The following FAM177B variants were observed in gnomAD, a reference collection of about 807,000 sequenced individuals.
FAM177B encodes protein FAM177B.
Under a neutral mutation model 16.1 loss-of-function variants are expected in FAM177B, and 16 were observed. That is an observed-to-expected ratio of 0.99 (90% CI 0.67 to 1.51). FAM177B has a LOEUF of 1.51. FAM177B is among the 40% of genes most tolerant of loss of function. The pLI, the probability that FAM177B is intolerant of heterozygous loss-of-function variation, is 0.00. For missense variants in FAM177B, 178 were observed against 183.7 expected (o/e 0.97, Z 0.18); for synonymous variants, 56 against 59.9 (o/e 0.93, Z 0.30).
Position 222,741,926 on chromosome 1 carries a change from C to CTT in FAM177B, c.-16+3906_-16+3907insTT, listed in dbSNP as rs1658567381. On this transcript the variant is annotated intron_variant, in intron 2 of 5. Transcript: ENST00000445590. ...CCTCCCTCTCTCTCTCTCTCTCTCT[C>CTT]TCTCTTTCTTTCTTTCTTTCTTTCT... 1.2e-4 allele frequency among the ~76,000 whole-genome samples: 12 copies of CTT among 102,558 alleles called. No individual in the cohort carries two copies. In the East Asian group the frequency reaches 1.3e-3, roughly 11 times the overall value. 67.3% of individuals were successfully genotyped at this position (102,558 alleles called of 152,430 possible). A position where few individuals can be genotyped will look rare whatever the true frequency, so the allele number is the denominator to read the frequency against.
chr1:222,750,330 TC>T lies in FAM177B; in HGVS notation c.*275del. ...CTCAACTCCACCCCTGTGATACAAG[TC>T]CCATGAGTACTGACATTTGCACAGT... On this transcript the variant is annotated 3_prime_UTR_variant, in exon 6 of 6. Transcript: ENST00000445590. The T allele has an allele frequency of 8.1e-7, 1 of 1,240,498 alleles. No homozygotes were observed. The highest frequency in any genetic ancestry group is 1.0e-6 in the Non-Finnish European group (1 of 987,558). The allele number at this position is 1,240,498 out of a possible 1,614,324, so 76.8% of individuals were successfully genotyped here.
chr1:222,743,962 T>C (rs900961944), intron 2 of FAM177B, among the ~76,000 whole-genome samples: 2 of 152,134 alleles, frequency 1.3e-5, no homozygotes, highest in Non-Finnish European at 2.9e-5. Flanking sequence ...TATTCTGACA[T>C]CTAGGCTGGC....
intron 2 of FAM177B, among the ~76,000 whole-genome samples, chr1:222,745,584 T>C (rs1658756897): frequency 6.6e-6 from 1 of 152,120 alleles, no homozygotes; most frequent in Non-Finnish European, 1.5e-5. Context: ...ACCACTGCAC[T>C]CCAGCCTGGG....
intron 1 of FAM177B, among the ~76,000 whole-genome samples, chr1:222,737,566 G>A (rs529315174): frequency 3.3e-5 from 5 of 152,220 alleles, no homozygotes; most frequent in Non-Finnish European, 5.9e-5. Flanking sequence ...CGTGGGGTTA[G>A]AGTGATGTCA....
chr1:222,738,752 C>T (rs1294849751), intron 2 of FAM177B, among the ~76,000 whole-genome samples: 4 of 152,198 alleles, frequency 2.6e-5, no homozygotes, highest in South Asian at 4.1e-4. Context: ...TGGCAATGTT[C>T]CCAAGGTTTT....
chr1:222,746,778 G>C, intron 3 of FAM177B, 59 bp downstream of exon 3: 3 of 1,355,946 alleles, frequency 2.2e-6, no homozygotes, highest in Non-Finnish European at 2.0e-6. Context: ...ATGAACAAGA[G>C]ATTGAGCCAG....
chr1:222,740,348 A>C (rs181306918), intron 2 of FAM177B, among the ~76,000 whole-genome samples: 2 of 152,344 alleles, frequency 1.3e-5, no homozygotes, highest in Non-Finnish European at 2.9e-5. Flanking sequence ...GATGACTGAC[A>C]GTCCATTTGC....
At chr1:222,741,371 C>G (rs1394805695) in intron 2 of FAM177B, among the ~76,000 whole-genome samples, 1 of 151,944 alleles carries the variant, frequency 6.6e-6, no homozygotes, top group Non-Finnish European at 1.5e-5. Flanking sequence ...GGACATCTTA[C>G]TTTTTCTTAC....
At chr1:222,747,984 G>A (rs536593271) in intron 4 of FAM177B, among the ~76,000 whole-genome samples, 1 of 152,304 alleles carries the variant, frequency 6.6e-6, no homozygotes, top group South Asian at 2.1e-4. Flanking sequence ...GCTGACATGT[G>A]GGGGAGACCC....
chr1:222,748,848 G>A, intron 4 of FAM177B: 2 of 351,818 alleles, frequency 5.7e-6, no homozygotes, highest in Non-Finnish European at 1.1e-5. Flanking sequence ...TCAGGGGTAA[G>A]AGAAGGCTGT....
chr1:222,748,948 C>CT (rs1244363012), intron 4 of FAM177B: 1 of 461,998 alleles, frequency 2.2e-6, no homozygotes, highest in East Asian at 7.0e-5. Context: ...ATCCCTGACT[C>CT]TAACAATCCC....
chr1:222,750,196 G>C lies in FAM177B; in HGVS notation c.*138G>C, dbSNP rs1221768117. On this transcript the variant is annotated 3_prime_UTR_variant, in exon 6 of 6. Coordinates refer to ENST00000445590, the MANE Select transcript of FAM177B (RefSeq NM_001394345.1). Reference sequence around the variant, plus strand: ...GAGGTAGCACTTCTGAGCCAGATCTGATCCTAATCTCTGTGTGACTTAGTC... The same window carrying C: ...GAGGTAGCACTTCTGAGCCAGATCTCATCCTAATCTCTGTGTGACTTAGTC... The C allele has an allele frequency of 1.4e-6, 2 of 1,464,242 alleles. No homozygotes were observed. Among genetic ancestry groups the C allele is most frequent in the Non-Finnish European group, 1.8e-6 (2 of 1,113,112 alleles). 90.7% of individuals were successfully genotyped at this position (1,464,242 alleles called of 1,614,324 possible). A position where few individuals can be genotyped will look rare whatever the true frequency, so the allele number is the denominator to read the frequency against.
intron 2 of FAM177B, among the ~76,000 whole-genome samples, chr1:222,746,181 A>G (rs770603292): frequency 3.3e-5 from 5 of 152,138 alleles, no homozygotes; most frequent in Admixed American, 6.5e-5. Flanking sequence ...TGAAGTCTGT[A>G]CTCTTAACCA....
intron 2 of FAM177B, among the ~76,000 whole-genome samples, chr1:222,741,255 G>T (rs1208237588): frequency 6.6e-6 from 1 of 151,276 alleles, no homozygotes; most frequent in African/African-American, 2.4e-5. Flanking sequence ...GTATAGACGG[G>T]TTTTCGCCAT....
chr1:222,741,789 TTTC>T (rs1249064161), intron 2 of FAM177B, among the ~76,000 whole-genome samples: 1 of 147,106 alleles, frequency 6.8e-6, no homozygotes. Flanking sequence ...TTTCTTTTTC[TTTC>T]TTTCTTTCTC....
At chr1:222,738,444 C>T (rs891095141) in intron 2 of FAM177B, among the ~76,000 whole-genome samples, 3 of 151,384 alleles carry the variant, frequency 2.0e-5, no homozygotes, top group Admixed American at 6.6e-5. Flanking sequence ...CTGAGCCGGG[C>T]GCAGTGGCTC....
chr1:222,748,713 A>G (rs1419459444), intron 4 of FAM177B, among the ~76,000 whole-genome samples: 1 of 152,248 alleles, frequency 6.6e-6, no homozygotes, highest in African/African-American at 2.4e-5. Context: ...GCAAATAAAC[A>G]GGACAAAGAG....
At chr1:222,742,135 G>A (rs1658582359) in intron 2 of FAM177B, among the ~76,000 whole-genome samples, 1 of 151,802 alleles carries the variant, frequency 6.6e-6, no homozygotes. Flanking sequence ...ACTATTAGAC[G>A]TACTGAACTT....
At position 222,750,303 on chromosome 1, in the gene FAM177B, A is replaced by C; in HGVS notation, c.*245A>C. 6.2e-6 allele frequency: 8 copies of C among 1,292,166 alleles called. No individual in the cohort carries two copies. The highest frequency in any genetic ancestry group is 7.8e-6 in the Non-Finnish European group (8 of 1,019,182). 80.0% of individuals were successfully genotyped at this position (1,292,166 alleles called of 1,614,324 possible). A position where few individuals can be genotyped will look rare whatever the true frequency, so the allele number is the denominator to read the frequency against. Reference sequence around the variant, plus strand: ...ATAATTTCTATATTCAAGCCACCCCACCTCAACTCCACCCCTGTGATACAA... The same window carrying C: ...ATAATTTCTATATTCAAGCCACCCCCCCTCAACTCCACCCCTGTGATACAA... On this transcript the variant is annotated 3_prime_UTR_variant, in exon 6 of 6. Transcript: ENST00000445590.
Sources: allele counts gnomAD v4.1 joint callset (sites outside exome capture counted in the v4.1 genomes callset), GRCh38; gene constraint gnomAD v4.1.1; transcripts MANE v1.5; gene names NCBI Gene and HGNC (gene_info 2026-07-23, HGNC 2026-07-21).